Variants in KCNQ3 observed in about 807,000 individuals in gnomAD.
KCNQ3 encodes the protein potassium voltage-gated channel subfamily Q member 3.
Under a neutral mutation model 92.5 loss-of-function variants are expected in KCNQ3, and 30 were observed. The ratio of observed to expected loss-of-function variants is 0.32; its 90% confidence interval spans 0.24 to 0.44. The LOEUF is 0.44. Among genes scored for constraint, KCNQ3 ranks in the 20% least tolerant of loss-of-function variants. The pLI is 1.00. For missense variants in KCNQ3, 913 were observed against 1,140.3 expected, an observed-to-expected ratio of 0.80 and a Z score of 2.87; for synonymous variants, 450 against 468.8, an observed-to-expected ratio of 0.96 and a Z score of 0.52.
intron 1 of KCNQ3, among the ~76,000 whole-genome samples, chr8:132,348,751 G>A (rs1334664755): frequency 2.6e-5 from 4 of 152,174 alleles, no homozygotes; most frequent in African/African-American, 9.7e-5. Context: ...ACCTGAAAGT[G>A]ACTCCTTCTT....
At chr8:132,201,481 A>G (rs550924633) in intron 1 of KCNQ3, among the ~76,000 whole-genome samples, 1 of 152,300 alleles carries the variant, frequency 6.6e-6, no homozygotes, top group South Asian at 2.1e-4. Context: ...CAAACTAGTT[A>G]TCTGTTTCCA....
rs373808496 is a variant in KCNQ3, at chr8:132,430,730, G to A, written c.386+49417C>T. Reference sequence around the variant, plus strand: ...CGGAAACAGAAAGTGTTTGCTCAGCGCAGTGTACCTCTCCCTACAGGACAG... The same window carrying A: ...CGGAAACAGAAAGTGTTTGCTCAGCACAGTGTACCTCTCCCTACAGGACAG... On this transcript the variant is annotated intron_variant, in intron 1 of 14. Coordinates refer to ENST00000388996, the MANE Select transcript of KCNQ3 (RefSeq NM_004519.4). Among the ~76,000 whole-genome samples the A allele has an allele frequency of 4.7e-4, 72 of 152,272 alleles. 1 individual carries two copies. In the South Asian group the frequency reaches 0.014, roughly 29 times the overall value.
rs116094887 is a variant in KCNQ3 at position 132,319,327 on chromosome 8, T to A, written c.387-133146A>T. ...AATTTGACCCTAGGTTTGTCTAATT[T>A]TTTGTATTCCCACAGTGATGCCTGT... is the stretch of plus-strand genomic sequence containing the variant. On this transcript the variant is annotated intron_variant, in intron 1 of 14. Coordinates refer to ENST00000388996, the MANE Select transcript of KCNQ3 (RefSeq NM_004519.4). Among the ~76,000 whole-genome samples the A allele has an allele frequency of 4.3e-3, 653 of 152,270 alleles. 6 individuals are homozygous for A. The highest frequency in any genetic ancestry group is 0.015 in the African/African-American group (630 of 41,540).
At chr8:132,444,318 G>A (rs1398073407) in intron 1 of KCNQ3, among the ~76,000 whole-genome samples, 2 of 152,166 alleles carry the variant, frequency 1.3e-5, no homozygotes, top group Non-Finnish European at 2.9e-5. Context: ...ATTAAGCTCT[G>A]TTTCTGCACT....
chr8:132,294,448 AAG>A (rs989551706), intron 1 of KCNQ3, among the ~76,000 whole-genome samples: 1 of 152,184 alleles, frequency 6.6e-6, no homozygotes, highest in Non-Finnish European at 1.5e-5. Context: ...CAAAGAGAGA[AAG>A]AAAATCTGAG....
At chr8:132,317,758 C>T (rs995808646) in intron 1 of KCNQ3, among the ~76,000 whole-genome samples, 4 of 152,142 alleles carry the variant, frequency 2.6e-5, no homozygotes, top group Non-Finnish European at 4.4e-5. Flanking sequence ...TGCTTTGCCC[C>T]GAACTCCTGC....
rs187308109 is a variant in KCNQ3 at position 132,464,643 on chromosome 8, G to A, written c.386+15504C>T. On this transcript the variant is annotated intron_variant, in intron 1 of 14. Coordinates refer to ENST00000388996, the MANE Select transcript of KCNQ3 (RefSeq NM_004519.4). ...TGGTCAAGGCTGTACATTAGAAAAC[G>A]AAGGAGGAAGTGGTCTCCATCCTGT... Among the ~76,000 whole-genome samples, 278 of 152,300 alleles carry A rather than the reference G, an allele frequency of 1.8e-3. 1 individual carries two copies. The highest frequency in any genetic ancestry group is 6.2e-3 in the African/African-American group (258 of 41,564).
intron 1 of KCNQ3, among the ~76,000 whole-genome samples, chr8:132,446,606 G>A (rs1290185934): frequency 6.6e-6 from 1 of 152,170 alleles, no homozygotes; most frequent in East Asian, 1.9e-4. Flanking sequence ...GAGTCTATGT[G>A]TCAGCAAAAA....
At chr8:132,390,072 A>C (rs1820008073) in intron 1 of KCNQ3, among the ~76,000 whole-genome samples, 1 of 152,252 alleles carries the variant, frequency 6.6e-6, no homozygotes, top group African/African-American at 2.4e-5. Context: ...GGAATTCTAC[A>C]CAGCAATGAA....
chr8:132,246,306 C>A (rs1404600497), intron 1 of KCNQ3, among the ~76,000 whole-genome samples: 1 of 152,174 alleles, frequency 6.6e-6, no homozygotes, highest in African/African-American at 2.4e-5. Flanking sequence ...TAAACCATTT[C>A]CCTACATGAG....
chr8:132,303,657 G>GGGGTGTGTGT (rs1817313079), intron 1 of KCNQ3, among the ~76,000 whole-genome samples: 1 of 66,372 alleles, frequency 1.5e-5, no homozygotes, highest in African/African-American at 5.8e-5. Context: ...ATATATTTAT[G>GGGGTGTGTGT]GTGTGTGTGT....
chr8:132,408,004 G>C (rs918542875), intron 1 of KCNQ3, among the ~76,000 whole-genome samples: 1 of 152,140 alleles, frequency 6.6e-6, no homozygotes, highest in Non-Finnish European at 1.5e-5. Flanking sequence ...GGTAGCTCAG[G>C]AAATGAGTGA....
intron 1 of KCNQ3, among the ~76,000 whole-genome samples, chr8:132,252,797 A>T (rs149332888): frequency 2.9e-4 from 44 of 152,272 alleles, no homozygotes; most frequent in African/African-American, 1.0e-3. Flanking sequence ...ACAATCCTTT[A>T]GCTAGACAGA....
intron 3 of KCNQ3, among the ~76,000 whole-genome samples, chr8:132,182,374 T>TA (rs1466323263): frequency 2.0e-5 from 3 of 152,236 alleles, no homozygotes; most frequent in Admixed American, 6.5e-5. Flanking sequence ...ATCATGTTCA[T>TA]GGGCGTGATA....
At chr8:132,265,529 C>T (rs891651026) in intron 1 of KCNQ3, among the ~76,000 whole-genome samples, 4 of 152,346 alleles carry the variant, frequency 2.6e-5, no homozygotes, top group African/African-American at 7.2e-5. Context: ...AAGCCCTAGA[C>T]AATGTCTGGG....
At chr8:132,165,173 A>C (rs1826107454) in intron 8 of KCNQ3, among the ~76,000 whole-genome samples, 1 of 152,134 alleles carries the variant, frequency 6.6e-6, no homozygotes, top group Non-Finnish European at 1.5e-5. Context: ...CCTTCAGTTC[A>C]TGTCATCTGG....
At chr8:132,257,065 T>C (rs1815612156) in intron 1 of KCNQ3, among the ~76,000 whole-genome samples, 1 of 152,154 alleles carries the variant, frequency 6.6e-6, no homozygotes, top group African/African-American at 2.4e-5. Context: ...GAGCATGCAA[T>C]GTATAAAGAC....
intron 1 of KCNQ3, among the ~76,000 whole-genome samples, chr8:132,191,637 A>G (rs1827166403): frequency 6.8e-6 from 1 of 147,118 alleles, no homozygotes; most frequent in Non-Finnish European, 1.5e-5. Flanking sequence ...TATAATTAAT[A>G]TATATAATAT....
intron 1 of KCNQ3, among the ~76,000 whole-genome samples, chr8:132,253,263 T>C (rs2130447133): frequency 6.6e-6 from 1 of 152,286 alleles, no homozygotes; most frequent in South Asian, 2.1e-4. Context: ...AGATTAGATG[T>C]GGGCACTACT....
Sources: allele counts gnomAD v4.1 joint callset (sites outside exome capture counted in the v4.1 genomes callset), GRCh38; gene constraint gnomAD v4.1.1; transcripts MANE v1.5; gene names NCBI Gene and HGNC (gene_info 2026-07-23, HGNC 2026-07-21).